MAGI3: variants seen among roughly 807,000 people sequenced by gnomAD.
MAGI3 encodes the protein membrane associated guanylate kinase, WW and PDZ domain containing 3.
Under a neutral mutation model 121.8 loss-of-function variants are expected in MAGI3, and 43 were observed. That is an observed-to-expected ratio of 0.35 (90% CI 0.28 to 0.46). The LOEUF is 0.46. MAGI3 is among the 20% of genes least tolerant of loss of function. The probability of loss-of-function intolerance (pLI) is 1.00; values close to 1 mark genes in which losing one functional copy is unlikely to be tolerated. For missense variants in MAGI3, 1,547 were observed against 1,797.3 expected, an observed-to-expected ratio of 0.86 and a Z score of 2.52; for synonymous variants, 553 against 639.3, an observed-to-expected ratio of 0.86 and a Z score of 2.04.
chr1:113,677,396 A>C (rs1238273193), intron 19 of MAGI3, among the ~76,000 whole-genome samples: 1 of 152,222 alleles, frequency 6.6e-6, no homozygotes, highest in Non-Finnish European at 1.5e-5. Flanking sequence ...AAGGAGACTT[A>C]GTCACTTGCA....
chr1:113,437,864 C>CTTCTTCTTCTTCTTCTTCTTCTTCTTCT (rs1557757106), intron 1 of MAGI3, among the ~76,000 whole-genome samples: 1 of 55,976 alleles, frequency 1.8e-5, no homozygotes, highest in Non-Finnish European at 3.3e-5. Context: ...CTTCTTCTTC[C>CTTCTTCTTCTTCTTCTTCTTCTTCTTCT]TCTTCTTCTT....
chr1:113,561,258 C>T (rs1392306985), intron 2 of MAGI3, among the ~76,000 whole-genome samples: 1 of 152,160 alleles, frequency 6.6e-6, no homozygotes, highest in South Asian at 2.1e-4. Context: ...CCTCCCTAAC[C>T]ATTTTATGAG....
intron 9 of MAGI3, among the ~76,000 whole-genome samples, chr1:113,638,865 T>C (rs1570980180): frequency 6.6e-6 from 1 of 152,234 alleles, no homozygotes; most frequent in Admixed American, 6.5e-5. Flanking sequence ...GCAGGCCTCC[T>C]TGAGCTGTGG....
At chr1:113,559,607 G>A (rs12043639) in intron 2 of MAGI3, among the ~76,000 whole-genome samples, 44,175 of 150,964 alleles carry the variant, frequency 0.29, 7,268 homozygotes, top group East Asian at 0.65. Context: ...TCACTCTGTC[G>A]CCCAGGCTGA....
chr1:113,660,637 CAG>C (rs896269404), intron 16 of MAGI3, among the ~76,000 whole-genome samples: 1 of 143,264 alleles, frequency 7.0e-6, no homozygotes. Context: ...TTTTTTGAGA[CAG>C]GGTCTCACTC....
At chr1:113,403,243 G>A (rs935546395) in intron 1 of MAGI3, among the ~76,000 whole-genome samples, 1 of 151,892 alleles carries the variant, frequency 6.6e-6, no homozygotes, top group Non-Finnish European at 1.5e-5. Context: ...TGAAACAGTG[G>A]CAAGAAAATG....
intron 1 of MAGI3, among the ~76,000 whole-genome samples, chr1:113,490,106 A>C (rs1316566531): frequency 2.0e-5 from 3 of 152,212 alleles, no homozygotes; most frequent in African/African-American, 7.2e-5. Flanking sequence ...CTCCAAGGTC[A>C]AAATGAATGA....
rs779414254 is a variant in MAGI3 at position 113,651,100 on chromosome 1, A to C, written c.2334A>C (p.Gly778=). ...CTGATGAACTAATGTGCATTGATGG[A>C]ATTCCTGTTAAAGGGAAATCACACA... ...RAADELMCID[G]IPVKGKSHKQ... The change falls in exon 14 of 21, where the codon GGA becomes GGC. Residue 778 remains glycine, a synonymous_variant. Transcript: ENST00000307546. The C allele has an allele frequency of 2.5e-6, 4 of 1,614,182 alleles. No individual in the cohort carries two copies. The South Asian group carries it at 4.4e-5, about 18-fold the overall frequency.
chr1:113,448,967 A>G (rs1415590668), intron 1 of MAGI3, among the ~76,000 whole-genome samples: 1 of 152,068 alleles, frequency 6.6e-6, no homozygotes, highest in Admixed American at 6.6e-5. Flanking sequence ...AAAAATACAA[A>G]ATTAGCCCAG....
At chr1:113,590,793 T>C in intron 5 of MAGI3, 135 bp downstream of exon 5, 1 of 760,656 alleles carries the variant, frequency 1.3e-6, no homozygotes, top group South Asian at 2.3e-5. Flanking sequence ...ATATTTTTCA[T>C]AAAACTGACA....
intron 16 of MAGI3, among the ~76,000 whole-genome samples, chr1:113,660,142 A>G (rs1250983291): frequency 1.3e-5 from 2 of 152,134 alleles, no homozygotes; most frequent in South Asian, 2.1e-4. Context: ...AAGGTATTAC[A>G]TAAATCTGTT....
intron 1 of MAGI3, among the ~76,000 whole-genome samples, chr1:113,509,849 G>T (rs1188996840): frequency 6.9e-6 from 1 of 144,816 alleles, no homozygotes; most frequent in Non-Finnish European, 1.5e-5. Flanking sequence ...TTGAGTGTGT[G>T]TGGGGTTTGT....
intron 1 of MAGI3, among the ~76,000 whole-genome samples, chr1:113,402,914 G>T (rs1348988034): frequency 1.3e-5 from 2 of 152,136 alleles, no homozygotes; most frequent in African/African-American, 4.8e-5. Context: ...TGTTTGTTAG[G>T]TAGACTAATG....
At chr1:113,520,970 A>G (rs6694861) in intron 1 of MAGI3, among the ~76,000 whole-genome samples, 82,847 of 151,942 alleles carry the variant, frequency 0.55, 23,881 homozygotes, top group African/African-American at 0.72. Flanking sequence ...ATGCTTAATT[A>G]TAAAGTGGTT....
chr1:113,567,691 T>A (rs1660490087), intron 2 of MAGI3, among the ~76,000 whole-genome samples: 1 of 151,976 alleles, frequency 6.6e-6, no homozygotes, highest in Non-Finnish European at 1.5e-5. Context: ...TCAGGATTTT[T>A]AAAAATACTC....
At chr1:113,678,028 GCTCCCC>G (rs1647982655) in intron 19 of MAGI3, among the ~76,000 whole-genome samples, 1 of 151,844 alleles carries the variant, frequency 6.6e-6, no homozygotes, top group Non-Finnish European at 1.5e-5. Flanking sequence ...TAAAGCAATG[GCTCCCC>G]CTCCTTCCCC....
chr1:113,445,856 G>T (rs1173141953), intron 1 of MAGI3, among the ~76,000 whole-genome samples: 1 of 152,138 alleles, frequency 6.6e-6, no homozygotes, highest in African/African-American at 2.4e-5. Context: ...AAAAGATGAG[G>T]GATTTCATTA....
intron 1 of MAGI3, among the ~76,000 whole-genome samples, chr1:113,544,209 A>G (rs549965106): frequency 1.3e-5 from 2 of 152,306 alleles, no homozygotes; most frequent in African/African-American, 4.8e-5. Flanking sequence ...TACCACTTTC[A>G]TGGAGGCTTC....
In MAGI3 at chr1:113,540,914, G is replaced by A. The variant is rs138198560; in HGVS notation, c.317-8601G>A. Among the ~76,000 whole-genome samples, 64 of 152,278 alleles carry A rather than the reference G, an allele frequency of 4.2e-4. No homozygotes were observed. In the East Asian group the frequency reaches 0.011, roughly 27 times the overall value. ...GCAATTTTGATGCTGCATTAATGTG[G>A]AATTCTACATGTGATAAACAGTGTT... On this transcript the variant is annotated intron_variant, in intron 1 of 20. Transcript: ENST00000307546.
Sources: gnomAD v4.1 joint callset for allele counts (sites outside exome capture counted in the v4.1 genomes callset) on GRCh38, gnomAD v4.1.1 for gene constraint, MANE v1.5 for transcripts, NCBI Gene and HGNC (gene_info 2026-07-23, HGNC 2026-07-21) for gene names.